NSUN4: variants seen among roughly 807,000 people sequenced by gnomAD.
NSUN4 encodes the protein NOP2/Sun RNA methyltransferase 4, also known as 5-cytosine rRNA methyltransferase NSUN4.
NSUN4 carries 31 observed loss-of-function variants against 43.8 expected under a neutral mutation model. The ratio of observed to expected loss-of-function variants is 0.71; its 90% CI spans 0.53 to 0.96. The LOEUF is 0.96. Ranked by LOEUF, NSUN4 falls within the 40% of genes least tolerant of loss-of-function variation. NSUN4 has a pLI of 0.00. For missense variants in NSUN4, 439 were observed against 475.6 expected, an observed-to-expected ratio of 0.92 and a Z score of 0.72; for synonymous variants, 167 against 184.1, an observed-to-expected ratio of 0.91 and a Z score of 0.75.
chr1:46,376,640 T>C, the NSUN4 span, among the ~76,000 whole-genome samples: 1 of 151,810 alleles, frequency 6.6e-6, no homozygotes, highest in Non-Finnish European at 1.5e-5. Flanking sequence ...AATGAAAGGA[T>C]AGAATAGAAA....
chr1:46,349,376 G>A (rs1662812105), intron 3 of NSUN4, among the ~76,000 whole-genome samples: 1 of 152,102 alleles, frequency 6.6e-6, no homozygotes, highest in Non-Finnish European at 1.5e-5. Context: ...TCCTGACCTC[G>A]TGATCCGCCC....
intron 1 of NSUN4, among the ~76,000 whole-genome samples, chr1:46,344,551 A>G (rs545462687): frequency 2.0e-4 from 30 of 152,248 alleles, no homozygotes; most frequent in African/African-American, 7.0e-4. Context: ...TCTTTCTCCA[A>G]GGTCCCCCTT....
chr1:46,375,190 CTT>C, the NSUN4 span, among the ~76,000 whole-genome samples: 1 of 151,542 alleles, frequency 6.6e-6, no homozygotes, highest in African/African-American at 2.4e-5. Flanking sequence ...AATCCCAACA[CTT>C]TGGGTAGCAG....
chr1:46,359,763 C>A (rs1425206638), intron 4 of NSUN4, among the ~76,000 whole-genome samples: 3 of 151,986 alleles, frequency 2.0e-5, no homozygotes, highest in African/African-American at 7.2e-5. Context: ...TGCCACCACG[C>A]CCGGCTAATT....
At chr1:46,341,288 C>T (rs1390329376) in intron 1 of NSUN4, 2 of 1,014,586 alleles carry the variant, frequency 2.0e-6, no homozygotes, top group Non-Finnish European at 2.4e-6. Context: ...CATTCTTCCC[C>T]CACATGACTT....
chr1:46,373,198 C>T, the NSUN4 span, among the ~76,000 whole-genome samples: 3 of 152,008 alleles, frequency 2.0e-5, no homozygotes, highest in South Asian at 4.3e-4. Flanking sequence ...GTCTTCTGAT[C>T]CTTCACCAGC....
downstream of NSUN4, among the ~76,000 whole-genome samples, chr1:46,367,763 CTTT>C (rs35109012): frequency 0.23 from 28,039 of 124,370 alleles, 3,525 homozygotes; most frequent in Non-Finnish European, 0.31. Flanking sequence ...TCTGAAATTT[CTTT>C]TTTTTTTTTT....
rs2148424334 is a variant in NSUN4 at position 46,363,612 on chromosome 1, A to C, written c.*1766A>C. The C allele has an allele frequency of 6.6e-6, 1 of 152,630 alleles. No individual in the cohort carries two copies. Among genetic ancestry groups the C allele is most frequent in the Admixed American group, 6.5e-5 (1 of 15,298 alleles). The allele number at this position is 152,630 out of a possible 1,614,324, so 9.5% of individuals were successfully genotyped here. A position where few individuals can be genotyped will look rare whatever the true frequency, so the allele number is the denominator to read the frequency against. ...CCCAGTTAATCCAATACTGGGGATAAATCCTAGAGAAACTCATACATGTAC... is the reference window on the plus strand; with the variant it reads ...CCCAGTTAATCCAATACTGGGGATACATCCTAGAGAAACTCATACATGTAC... On this transcript the variant is annotated 3_prime_UTR_variant, in exon 6 of 6. Coordinates refer to ENST00000474844, the MANE Select transcript of NSUN4 (RefSeq NM_199044.4).
chr1:46,351,092 G>T (rs895853189), intron 3 of NSUN4, among the ~76,000 whole-genome samples: 1 of 152,240 alleles, frequency 6.6e-6, no homozygotes, highest in Admixed American at 6.5e-5. Context: ...TTAGCCGGGT[G>T]TGGTGGCTCA....
chr1:46,366,704 C>T, downstream of NSUN4, among the ~76,000 whole-genome samples: 1 of 59,408 alleles, frequency 1.7e-5, no homozygotes, highest in East Asian at 6.8e-4. Flanking sequence ...ACTAAAAATA[C>T]AAAAAAAAAA....
intron 1 of NSUN4, 67 bp from the exon 2 acceptor site, chr1:46,344,733 TG>T (rs79697925): frequency 0.26 from 356,655 of 1,380,628 alleles, 50,734 homozygotes; most frequent in Non-Finnish European, 0.29. Context: ...GGCTCTGAGG[TG>T]GGGGTCAGGT....
At chr1:46,359,301 G>A (rs534549547) in intron 4 of NSUN4, among the ~76,000 whole-genome samples, 54 of 152,128 alleles carry the variant, frequency 3.5e-4, no homozygotes, top group African/African-American at 1.3e-3. Context: ...AGTTTTACTG[G>A]TTGCTGTTTC....
chr1:46,355,939 G>A (rs866882221), intron 4 of NSUN4, among the ~76,000 whole-genome samples: 3 of 151,814 alleles, frequency 2.0e-5, no homozygotes, highest in East Asian at 1.9e-4. Context: ...GCTTGAACCC[G>A]GGAGGCAGAG....
At chr1:46,375,519 A>G in the NSUN4 span, among the ~76,000 whole-genome samples, 212 of 151,162 alleles carry the variant, frequency 1.4e-3, no homozygotes, top group Non-Finnish European at 2.3e-3. Flanking sequence ...GTCTTTTTTG[A>G]GCCTAGGAGT....
At chr1:46,349,431 C>G (rs1344041778) in intron 3 of NSUN4, among the ~76,000 whole-genome samples, 1 of 152,238 alleles carries the variant, frequency 6.6e-6, no homozygotes, top group South Asian at 2.1e-4. Context: ...TGAGCCACCG[C>G]GCCTGGCGCC....
chr1:46,357,446 A>G (rs954019627), intron 4 of NSUN4, among the ~76,000 whole-genome samples: 6 of 152,222 alleles, frequency 3.9e-5, no homozygotes, highest in African/African-American at 1.4e-4. Flanking sequence ...GCCTCTCAAC[A>G]TGAACATTTT....
intron 4 of NSUN4, among the ~76,000 whole-genome samples, chr1:46,360,249 AATATAT>A (rs773980804): frequency 0.019 from 489 of 25,612 alleles, 16 homozygotes; most frequent in South Asian, 0.039. Context: ...AAAAAAAAAA[AATATAT>A]ATATATATAT....
At position 46,345,138 on chromosome 1, in the gene NSUN4, C is replaced by A. The variant is rs1187871967; in HGVS notation, c.431C>A (p.Pro144His). 1.2e-6 allele frequency: 2 copies of A among 1,600,234 alleles called. No homozygotes were observed. Among genetic ancestry groups the A allele is most frequent in the Middle Eastern group, 1.7e-4 (1 of 6,008 alleles). Residue 144 changes from proline to histidine, a missense_variant, in exon 2 of 6, where the codon CCT (proline) becomes CAT (histidine). Coordinates refer to ENST00000474844, the MANE Select transcript of NSUN4 (RefSeq NM_199044.4). ...FDRGDISRFP[P>H]ARPGSLGVME... Reference sequence around the variant, plus strand: ...AGAGGGGATATCAGTCGCTTCCCTCCTGCCAGGTAGGATCTGGAGCCATGA... The same window carrying A: ...AGAGGGGATATCAGTCGCTTCCCTCATGCCAGGTAGGATCTGGAGCCATGA...
intron 1 of NSUN4, chr1:46,344,285 G>T: frequency 6.3e-6 from 1 of 159,292 alleles, no homozygotes; most frequent in Non-Finnish European, 1.4e-5. Context: ...TAGTCACTGT[G>T]TGACGCTAGG....
Sources: gnomAD v4.1 joint callset for allele counts (sites outside exome capture counted in the v4.1 genomes callset) on GRCh38, gnomAD v4.1.1 for gene constraint, MANE v1.5 for transcripts, NCBI Gene and HGNC (gene_info 2026-07-23, HGNC 2026-07-21) for gene names.